The following FGL2 variants were observed in gnomAD, a reference collection of about 807,000 sequenced individuals.
FGL2 encodes fibrinogen like 2.
FGL2 carries 21 observed loss-of-function variants against 36.0 expected under a neutral mutation model. The ratio of observed to expected loss-of-function variants is 0.58; its 90% CI spans 0.41 to 0.84. The LOEUF is 0.84. FGL2 is among the 40% of genes least tolerant of loss of function. The pLI is 0.00. For synonymous variants in FGL2, 183 were observed against 190.7 expected, an observed-to-expected ratio of 0.96 and a Z score of 0.33; for missense variants, 444 against 526.3, an observed-to-expected ratio of 0.84 and a Z score of 1.53.
In FGL2 at chr7:77,196,800, T is replaced by C. The variant is rs756977540; in HGVS notation, c.799A>G (p.Thr267Ala). ...AAGCCTGCTTTGTAGTCTTGCCATGTTCTGGTGAAGTTGGTGCTCCCATCG... is the reference window on the plus strand; with the variant it reads ...AAGCCTGCTTTGTAGTCTTGCCATGCTCTGGTGAAGTTGGTGCTCCCATCG... ...RLDGSTNFTR[T>A]WQDYKAGFGN... Residue 267 changes from threonine to alanine, a missense_variant, in exon 2 of 2, where the codon ACA becomes GCA. By Grantham distance (58) the Thr-to-Ala change is moderately conservative. Transcript: ENST00000248598. This position sits in a 1 kb window ranked among gnomAD's most constrained non-coding sequence, Gnocchi z 4.2. 1 of 1,614,176 alleles carries C rather than the reference T, an allele frequency of 6.2e-7. No homozygotes were observed. The highest frequency in any genetic ancestry group is 8.5e-7 in the Non-Finnish European group (1 of 1,180,022).
At chr7:77,198,367 C>T in intron 1 of FGL2, 1 of 965,478 alleles carries the variant, frequency 1.0e-6, no homozygotes, top group Non-Finnish European at 1.2e-6. Flanking sequence ...ATGAGACAGT[C>T]AGCAACAGTG....
chr7:77,199,576 C>CTGAATT lies in FGL2; in HGVS notation c.212_217dup (p.Phe72_Ser73insLysPhe), dbSNP rs1362424143. 1 of 1,614,186 alleles carries CTGAATT rather than the reference C, an allele frequency of 6.2e-7. No homozygotes were observed. Among genetic ancestry groups the CTGAATT allele is most frequent in the East Asian group, 2.2e-5 (1 of 44,890 alleles). On this transcript the variant is annotated inframe_insertion, in exon 1 of 2. Transcript: ENST00000248598. The stretch of plus-strand genomic sequence containing the variant: ...TTCTTTGAACACCTCCTCGATCCTG[C>CTGAATT]TGAATTGCTTCGGGAGCTGAATAGT...
rs1329979016 is a variant in FGL2 at position 77,194,142 on chromosome 7, A to T, written c.*2137T>A. 2 of 152,096 alleles carry T rather than the reference A, an allele frequency of 1.3e-5. No homozygotes were observed. Among genetic ancestry groups the T allele is most frequent in the East Asian group, 1.9e-4 (1 of 5,202 alleles). 9.4% of individuals were successfully genotyped at this position (152,096 alleles called of 1,614,324 possible). On this transcript the variant is annotated 3_prime_UTR_variant, in exon 2 of 2. Transcript: ENST00000248598. The stretch of plus-strand genomic sequence containing the variant: ...TTATTTGCCAAATTCTCCTGAAGTT[A>T]TACCTAGTTCCCATTAAATTAATGG...
chr7:77,198,663 A>G (rs1284390600), intron 1 of FGL2: 2 of 154,230 alleles, frequency 1.3e-5, no homozygotes, highest in Non-Finnish European at 2.9e-5. Context: ...CACACATATG[A>G]AACTGCTTTT....
At position 77,196,860 on chromosome 7, in the gene FGL2, T is replaced by G; in HGVS notation, c.739A>C (p.Met247Leu). ...TGCAGCACTGTCCAGCCTCCCCCCA[T>G]GGTCTCCATGTCACAGTAAACTTCA... is the stretch of plus-strand genomic sequence containing the variant. ...SFEVYCDMET[M>L]GGGWTVLQAR... Residue 247 changes from methionine (M) to leucine (L), a missense_variant, in exon 2 of 2, where the codon ATG becomes CTG. Physicochemically the swap from Met to Leu is conservative, Grantham distance 15. Transcript: ENST00000248598. The surrounding 1 kb of genome is among the most constrained non-coding windows in gnomAD (Gnocchi z 4.2). The G allele has an allele frequency of 6.2e-7, 1 of 1,614,010 alleles. No homozygotes were observed. Among genetic ancestry groups the G allele is most frequent in the Non-Finnish European group, 8.5e-7 (1 of 1,179,978 alleles).
In FGL2 at chr7:77,196,499, G is replaced by A. The variant is rs751515083; in HGVS notation, c.1100C>T (p.Pro367Leu). 1.2e-6 allele frequency: 2 copies of A among 1,614,130 alleles called. No homozygotes were observed. The highest frequency in any genetic ancestry group is 1.7e-5 in the Admixed American group (1 of 60,020). Residue 367 changes from proline to leucine, a missense_variant, in exon 2 of 2, where the codon CCT (proline) becomes CTT (leucine). Coordinates refer to ENST00000248598, the MANE Select transcript of FGL2 (RefSeq NM_006682.3). This position sits in a 1 kb window ranked among gnomAD's most constrained non-coding sequence, Gnocchi z 4.2. The stretch of plus-strand genomic sequence containing the variant: ...GTAGTACAGCCCACAGTTCCCAGAA[G>A]GATATCGATCATTGTCTTTATCTGG... The part of the protein sequence containing the change: ...TTPDKDNDRY[P>L]SGNCGLYYSS...
chr7:77,197,862 T>G (rs1791904795), intron 1 of FGL2, among the ~76,000 whole-genome samples: 1 of 152,178 alleles, frequency 6.6e-6, no homozygotes, highest in Non-Finnish European at 1.5e-5. Flanking sequence ...ATATTGAGGA[T>G]AAGCATAATA....
Position 77,199,603 on chromosome 7 carries a change from A to T in FGL2, c.191T>A (p.Leu64Ter). Residue 64 changes from leucine to a stop codon, truncating the protein, a stop_gained, in exon 1 of 2, where the codon TTG becomes TAG. Transcript: ENST00000248598. LOFTEE classifies it high-confidence loss of function. ...GAATTGCTTCGGGAGCTGAATAGTC[A>T]AGGGGGGCAGGCTTACCTGGTAGGG... ...ECPYQVSLPP[L>*]TIQLPKQFSR... The T allele has an allele frequency of 6.2e-7, 1 of 1,614,154 alleles. No homozygotes were observed. The highest frequency in any genetic ancestry group is 1.1e-5 in the South Asian group (1 of 91,080).
chr7:77,199,624 TA>T lies in FGL2; in HGVS notation c.169del (p.Tyr57ThrfsTer3), dbSNP rs769116960. On this transcript the variant is annotated frameshift_variant, in exon 1 of 2. Transcript: ENST00000248598. LOFTEE classifies it high-confidence loss of function. ...AGTCAAGGGGGGCAGGCTTACCTGGTAGGGGCACTCCCCTGCCTCTTCGCAT... is the reference window on the plus strand; with the variant it reads ...AGTCAAGGGGGGCAGGCTTACCTGGTGGGGCACTCCCCTGCCTCTTCGCAT... The part of the protein sequence containing the change: ...GKCEEAGECP[Y>X]QVSLPPLTIQ... 1.2e-6 allele frequency: 2 copies of T among 1,613,846 alleles called. No individual in the cohort carries two copies. Among genetic ancestry groups the T allele is most frequent in the African/African-American group, 2.7e-5 (2 of 74,928 alleles).
chr7:77,198,044 A>G, intron 1 of FGL2: 1 of 776,200 alleles, frequency 1.3e-6, no homozygotes, highest in Non-Finnish European at 1.6e-6. Context: ...AATGTTTAGG[A>G]GAAAAATAGA....
At position 77,199,347 on chromosome 7, in the gene FGL2, C is replaced by T. The variant is rs747943176; in HGVS notation, c.447G>A (p.Glu149=). The change falls in exon 1 of 2, where the codon GAG becomes GAA. Residue 149 remains glutamate, a synonymous_variant. Coordinates refer to ENST00000248598, the MANE Select transcript of FGL2 (RefSeq NM_006682.3). ...KLSSELKNAK[E]EINVLHGRLE... ...GGCGACCATGAAGTACATTGATCTCCTCTTTGGCATTCTTTAGCTCAGAGG... is the reference window on the plus strand; with the variant it reads ...GGCGACCATGAAGTACATTGATCTCTTCTTTGGCATTCTTTAGCTCAGAGG... 1.9e-6 allele frequency: 3 copies of T among 1,613,942 alleles called. No homozygotes were observed. Among genetic ancestry groups the T allele is most frequent in the African/African-American group, 2.7e-5 (2 of 74,896 alleles).
Sources: allele counts gnomAD v4.1 joint callset (sites outside exome capture counted in the v4.1 genomes callset), GRCh38; gene constraint gnomAD v4.1.1; non-coding constraint Gnocchi (gnomAD v3.1); transcripts MANE v1.5; gene names NCBI Gene and HGNC (gene_info 2026-07-23, HGNC 2026-07-21).